The following ARSF variants were observed in gnomAD, a reference collection of about 807,000 sequenced individuals.
The protein encoded by ARSF is arylsulfatase F.
Under a neutral mutation model 35.4 loss-of-function variants are expected in ARSF, and 33 were observed. The observed-to-expected ratio is 0.93, with a 90% CI of 0.71 to 1.25. The LOEUF is 1.25. Ranked by LOEUF, ARSF falls within the 50% of genes most tolerant of loss-of-function variation. The pLI, the probability that ARSF is intolerant of heterozygous loss-of-function variation, is 0.00. For synonymous variants in ARSF, 222 were observed against 193.1 expected, an observed-to-expected ratio of 1.15 and a Z score of -1.24; for missense variants, 501 against 480.2, an observed-to-expected ratio of 1.04 and a Z score of -0.40.
At chrX:3,087,484 C>A (rs944949073) in intron 6 of ARSF, among the ~76,000 whole-genome samples, 1 of 110,866 alleles carries the variant, frequency 9.0e-6, no homozygotes, top group South Asian at 3.9e-4. Context: ...TCTCTTATAA[C>A]GACAATAGTC....
intron 7 of ARSF, among the ~76,000 whole-genome samples, chrX:3,094,008 A>G (rs1198078779): frequency 8.9e-6 from 1 of 112,034 alleles, no homozygotes. Flanking sequence ...CATTGAAAGT[A>G]ATGACAAAGA....
intron 6 of ARSF, among the ~76,000 whole-genome samples, chrX:3,087,880 A>G (rs1230599696): frequency 8.9e-6 from 1 of 112,062 alleles, no homozygotes; most frequent in East Asian, 2.8e-4. Flanking sequence ...AAATCTCCAG[A>G]GGCCCCATTT....
chrX:3,054,676 AT>A (rs2090010110), intron 1 of ARSF, among the ~76,000 whole-genome samples: 1 of 109,882 alleles, frequency 9.1e-6, no homozygotes, highest in Non-Finnish European at 1.9e-5. Flanking sequence ...CTAAGCATTC[AT>A]GAAAGTTTAG....
chrX:3,044,552 T>C (rs186061356), intron 1 of ARSF, among the ~76,000 whole-genome samples: 4 of 110,975 alleles, frequency 3.6e-5, no homozygotes, highest in African/African-American at 1.3e-4. Context: ...GAAGTGGCTC[T>C]TGGTGGAAGA....
intron 9 of ARSF, 109 bp from the exon 10 acceptor site, chrX:3,110,019 C>A: frequency 1.2e-6 from 1 of 817,394 alleles, no homozygotes; most frequent in Non-Finnish European, 1.6e-6. Flanking sequence ...GTACGCTGTC[C>A]TCTGGACCTG....
intron 1 of ARSF, among the ~76,000 whole-genome samples, chrX:3,050,213 G>A (rs907414879): frequency 3.0e-4 from 34 of 111,767 alleles, no homozygotes; most frequent in African/African-American, 1.1e-3. Context: ...GGGGCCCCAT[G>A]CCAGTTTTCT....
chrX:3,110,353 A>C, intron 10 of ARSF, 101 bp downstream of exon 10: 1 of 869,225 alleles, frequency 1.2e-6, no homozygotes, highest in Non-Finnish European at 1.5e-6. Flanking sequence ...CGGTCCTTTC[A>C]TTCCAGGGCT....
At chrX:3,076,880 A>G (rs1226605518) in intron 4 of ARSF, among the ~76,000 whole-genome samples, 1 of 111,698 alleles carries the variant, frequency 9.0e-6, no homozygotes, top group African/African-American at 3.2e-5. Context: ...CCCCATCTCC[A>G]CAAAATTTTT....
intron 1 of ARSF, among the ~76,000 whole-genome samples, chrX:3,064,606 G>GA (rs1379656204): frequency 1.8e-5 from 2 of 111,128 alleles, no homozygotes; most frequent in African/African-American, 3.3e-5. Flanking sequence ...AAATTTACAA[G>GA]AAAAAAACAA....
intron 7 of ARSF, among the ~76,000 whole-genome samples, chrX:3,098,603 C>T (rs892068669): frequency 3.4e-4 from 38 of 110,921 alleles, no homozygotes; most frequent in African/African-American, 1.2e-3. Flanking sequence ...TGTCTGCCAC[C>T]GTGTAAGATG....
intron 1 of ARSF, among the ~76,000 whole-genome samples, chrX:3,050,014 C>A (rs2089990434): frequency 9.0e-6 from 1 of 110,634 alleles, no homozygotes; most frequent in Non-Finnish European, 1.9e-5. Context: ...CACCTGCCAC[C>A]ACGCCCAGCT....
intron 1 of ARSF, among the ~76,000 whole-genome samples, chrX:3,053,109 C>A (rs1303469825): frequency 9.0e-6 from 1 of 110,971 alleles, no homozygotes; most frequent in Non-Finnish European, 1.9e-5. Flanking sequence ...TGTGAGAAAG[C>A]TCCCAACATT....
chrX:3,073,299 T>C (rs1278629264), intron 3 of ARSF, among the ~76,000 whole-genome samples: 1 of 101,216 alleles, frequency 9.9e-6, no homozygotes, highest in East Asian at 2.9e-4. Context: ...GTGTGTTAGG[T>C]ACTATTCTAA....
At chrX:3,075,172 C>T (rs2090136741) in intron 3 of ARSF, among the ~76,000 whole-genome samples, 2 of 111,221 alleles carry the variant, frequency 1.8e-5, no homozygotes, top group Admixed American at 1.9e-4. Context: ...TGAATCAGAC[C>T]CCAATCCCTT....
chrX:3,068,003 T>C, intron 1 of ARSF, 70 bp from the exon 2 acceptor site: 1 of 812,018 alleles, frequency 1.2e-6, no homozygotes. Flanking sequence ...ACTAATTTAA[T>C]TGACACATGA....
chrX:3,062,724 G>A (rs1179529929), intron 1 of ARSF, among the ~76,000 whole-genome samples: 1 of 111,469 alleles, frequency 9.0e-6, no homozygotes, highest in East Asian at 2.8e-4. Flanking sequence ...TAAATTTCTG[G>A]ACACATACAC....
At chrX:3,085,548 A>C (rs2090242038) in intron 6 of ARSF, among the ~76,000 whole-genome samples, 1 of 110,768 alleles carries the variant, frequency 9.0e-6, no homozygotes, top group Non-Finnish European at 1.9e-5. Flanking sequence ...GATTGTTATA[A>C]AAACTTTATG....
intron 1 of ARSF, among the ~76,000 whole-genome samples, chrX:3,052,409 G>T (rs973668246): frequency 6.9e-4 from 77 of 111,991 alleles, no homozygotes; most frequent in African/African-American, 2.3e-3. Flanking sequence ...GATTCTTTAA[G>T]TATAGGCCTA....
chrX:3,084,085 T>G (rs2090225614), intron 5 of ARSF, among the ~76,000 whole-genome samples, 158 bp from the exon 6 acceptor site: 1 of 112,377 alleles, frequency 8.9e-6, no homozygotes. Flanking sequence ...TGTGGCTAAG[T>G]GGCACTCGGA....
Sources: gnomAD v4.1 joint callset for allele counts (sites outside exome capture counted in the v4.1 genomes callset) on GRCh38, gnomAD v4.1.1 for gene constraint, MANE v1.5 for transcripts, NCBI Gene and HGNC (gene_info 2026-07-23, HGNC 2026-07-21) for gene names.